BCAR3: variants seen among roughly 807,000 people sequenced by gnomAD.
The protein encoded by BCAR3 is BCAR3 adaptor protein, NSP family member.
BCAR3 carries 37 observed loss-of-function variants against 80.1 expected under a neutral mutation model. That is an observed-to-expected ratio of 0.46 (90% CI 0.36 to 0.61). The LOEUF is 0.61. Ranked by LOEUF, BCAR3 falls within the 20% of genes least tolerant of loss-of-function variation. The pLI is 0.00. For missense variants in BCAR3, 978 were observed against 1,068.2 expected (o/e 0.92, Z 1.18); for synonymous variants, 389 against 418.9 (o/e 0.93, Z 0.87).
chr1:93,678,178 A>G (rs1648581156), intron 1 of BCAR3, among the ~76,000 whole-genome samples: 1 of 152,260 alleles, frequency 6.6e-6, no homozygotes, highest in Non-Finnish European at 1.5e-5. Context: ...CATTAGCATC[A>G]GTCTCCAGTA....
In BCAR3 at chr1:93,665,265, C is replaced by T. The variant is rs142836163; in HGVS notation, c.317+9349G>A. On this transcript the variant is annotated intron_variant, in intron 2 of 11. Transcript: ENST00000260502. ...TGGGAAGAAACCACAGGAGTATAAT[C>T]ACCATGCTGCTGACACAGACCCCAG... Among the ~76,000 whole-genome samples the T allele has an allele frequency of 8.6e-4, 131 of 152,266 alleles. 1 individual carries two copies. Among genetic ancestry groups the T allele is most frequent in the Non-Finnish European group, 1.7e-3 (115 of 68,026 alleles).
chr1:93,675,047 C>A, intron 1 of BCAR3, 106 bp from the exon 2 acceptor site: 2 of 935,900 alleles, frequency 2.1e-6, no homozygotes, highest in South Asian at 3.9e-5. Context: ...ATGAAATATT[C>A]ACAGACCATT....
intron 3 of BCAR3, among the ~76,000 whole-genome samples, chr1:93,618,835 A>T (rs1401009271): frequency 6.6e-6 from 1 of 152,126 alleles, no homozygotes; most frequent in Non-Finnish European, 1.5e-5. Flanking sequence ...ACATACTTGC[A>T]ATGCTTTACA....
chr1:93,777,390 C>CTCCTCT (rs1557685131), intron 2 of BCAR3, among the ~76,000 whole-genome samples: 8 of 136,428 alleles, frequency 5.9e-5, no homozygotes, highest in Non-Finnish European at 1.1e-4. Context: ...CTTCTTCTTC[C>CTCCTCT]TCTTCTTCCT....
chr1:93,643,250 G>T (rs1199062446), intron 2 of BCAR3, among the ~76,000 whole-genome samples: 2 of 149,766 alleles, frequency 1.3e-5, no homozygotes, highest in Non-Finnish European at 3.0e-5. Context: ...GAGGCCAGGC[G>T]TGGTGGCTCA....
At chr1:93,599,125 T>A (rs236335) in intron 3 of BCAR3, 4 of 151,880 alleles carry the variant, frequency 2.6e-5, no homozygotes, top group Non-Finnish European at 5.9e-5. Context: ...CTGTACCAAG[T>A]TGGTCCAATC....
intron 2 of BCAR3, among the ~76,000 whole-genome samples, chr1:93,741,266 T>C (rs1406483342): frequency 1.3e-5 from 2 of 152,188 alleles, no homozygotes; most frequent in Non-Finnish European, 2.9e-5. Context: ...GAAAACATGC[T>C]GAATAATAAC....
intron 5 of BCAR3, among the ~76,000 whole-genome samples, chr1:93,585,686 A>G (rs1438063160): frequency 1.3e-5 from 2 of 152,170 alleles, no homozygotes; most frequent in Non-Finnish European, 2.9e-5. Flanking sequence ...TATTACTATG[A>G]AAAGGAGGAT....
At chr1:93,647,584 A>G (rs1676180668) in intron 2 of BCAR3, among the ~76,000 whole-genome samples, 1 of 152,178 alleles carries the variant, frequency 6.6e-6, no homozygotes, top group Non-Finnish European at 1.5e-5. Flanking sequence ...GGACAGTGAT[A>G]TTCTAGAGAA....
At chr1:93,638,168 G>A (rs1464952807) in intron 3 of BCAR3, among the ~76,000 whole-genome samples, 1 of 152,204 alleles carries the variant, frequency 6.6e-6, no homozygotes, top group East Asian at 1.9e-4. Context: ...ATAATCGCTT[G>A]AACCTGAGAG....
intron 2 of BCAR3, among the ~76,000 whole-genome samples, chr1:93,735,995 A>G (rs1027990433): frequency 1.3e-5 from 2 of 152,236 alleles, no homozygotes; most frequent in African/African-American, 4.8e-5. Context: ...CAATCCAGCC[A>G]GACTAGTCAC....
chr1:93,741,568 T>TATC (rs1337419217), intron 2 of BCAR3, among the ~76,000 whole-genome samples: 1 of 152,152 alleles, frequency 6.6e-6, no homozygotes, highest in Non-Finnish European at 1.5e-5. Context: ...TATTTTATTT[T>TATC]ATTATTATTA....
At chr1:93,676,061 C>A (rs1648470875) in intron 1 of BCAR3, among the ~76,000 whole-genome samples, 1 of 152,046 alleles carries the variant, frequency 6.6e-6, no homozygotes, top group South Asian at 2.1e-4. Flanking sequence ...CAGCCCTTCC[C>A]ACGGGCTGGT....
chr1:93,603,440 C>G (rs1170430838), intron 3 of BCAR3, among the ~76,000 whole-genome samples: 1 of 152,216 alleles, frequency 6.6e-6, no homozygotes, highest in Non-Finnish European at 1.5e-5. Context: ...TACAGGCCAG[C>G]AGGGAGGGTC....
At chr1:93,644,686 A>G (rs552215020) in intron 2 of BCAR3, among the ~76,000 whole-genome samples, 72 of 152,310 alleles carry the variant, frequency 4.7e-4, no homozygotes, top group African/African-American at 1.6e-3. Context: ...CAATAATTTG[A>G]TGCCCAAACA....
intron 2 of BCAR3, among the ~76,000 whole-genome samples, chr1:93,717,631 G>A (rs1650235190): frequency 6.6e-6 from 1 of 151,852 alleles, no homozygotes; most frequent in African/African-American, 2.4e-5. Context: ...AGGAAGCTGA[G>A]GTAGTGGAAT....
At chr1:93,709,404 T>C (rs1294894802) in intron 2 of BCAR3, among the ~76,000 whole-genome samples, 1 of 152,172 alleles carries the variant, frequency 6.6e-6, no homozygotes, top group Non-Finnish European at 1.5e-5. Context: ...ATCTGCCCAA[T>C]TGGGAAGTGG....
chr1:93,721,428 T>C (rs1650398096), intron 2 of BCAR3, among the ~76,000 whole-genome samples: 1 of 152,132 alleles, frequency 6.6e-6, no homozygotes, highest in Non-Finnish European at 1.5e-5. Context: ...TCCCCTCCCC[T>C]GGGAAGCCCT....
chr1:93,740,558 C>T (rs1651141197), intron 2 of BCAR3, among the ~76,000 whole-genome samples: 1 of 152,152 alleles, frequency 6.6e-6, no homozygotes, highest in Non-Finnish European at 1.5e-5. Context: ...AGCTTGTTGT[C>T]CACTCTGCTC....
Sources: gnomAD v4.1 joint callset for allele counts (sites outside exome capture counted in the v4.1 genomes callset) on GRCh38, gnomAD v4.1.1 for gene constraint, MANE v1.5 for transcripts, NCBI Gene and HGNC (gene_info 2026-07-23, HGNC 2026-07-21) for gene names.